The following APBB2 variants were observed in gnomAD, a reference collection of about 807,000 sequenced individuals.
APBB2 encodes the protein Fe65-like 1.
A neutral mutation model predicts 82.5 loss-of-function variants in APBB2; 38 were observed. That is an observed-to-expected ratio of 0.46 (90% CI 0.36 to 0.60). APBB2 has a LOEUF of 0.60. Among genes scored for constraint, APBB2 ranks in the 20% least tolerant of loss-of-function variants. The pLI is 0.00. For synonymous variants in APBB2, 341 were observed against 368.2 expected (o/e 0.93, Z 0.85); for missense variants, 772 against 972.3 (o/e 0.79, Z 2.74).
chr4:41,007,757 C>A (rs778210575), intron 6 of APBB2, among the ~76,000 whole-genome samples: 21 of 152,186 alleles, frequency 1.4e-4, no homozygotes, highest in Non-Finnish European at 3.1e-4. Flanking sequence ...ATCCATCCAA[C>A]CAGCAAATGA....
chr4:40,854,810 G>GA lies in APBB2; in HGVS notation c.1530-24234dup, dbSNP rs1200298979. Among the ~76,000 whole-genome samples, 269 of 134,096 alleles carry GA rather than the reference G, an allele frequency of 2.0e-3. 2 individuals are homozygous for GA. Among genetic ancestry groups the GA allele is most frequent in the African/African-American group, 7.8e-3 (256 of 32,644 alleles). The allele number at this position is 134,096 out of a possible 152,430, so 88.0% of individuals were successfully genotyped here. ...ATCTCCAAAAAAAAAAAAAAAAAAA[G>GA]AAGAAAGAAAAAGAAATTCATTTCC... On this transcript the variant is annotated intron_variant, in intron 12 of 17. Coordinates refer to ENST00000508593, the MANE Select transcript of APBB2 (RefSeq NM_004307.2).
chr4:41,132,249 C>T (rs1756236424), intron 2 of APBB2, among the ~76,000 whole-genome samples: 1 of 152,040 alleles, frequency 6.6e-6, no homozygotes, highest in African/African-American at 2.4e-5. Context: ...GAAAAATGAA[C>T]ACAACAGTTT....
At chr4:41,103,509 A>T (rs1385536886) in intron 2 of APBB2, among the ~76,000 whole-genome samples, 3 of 152,154 alleles carry the variant, frequency 2.0e-5, no homozygotes. Context: ...TCAACAATGG[A>T]TAGTTTTTTA....
chr4:40,865,218 G>T (rs964847704), intron 12 of APBB2, among the ~76,000 whole-genome samples: 4 of 152,118 alleles, frequency 2.6e-5, no homozygotes, highest in African/African-American at 9.7e-5. Flanking sequence ...GCTCTCCCTG[G>T]AAAGCAGAAT....
intron 12 of APBB2, among the ~76,000 whole-genome samples, chr4:40,849,353 CAAT>C (rs1406376469): frequency 3.9e-5 from 6 of 152,304 alleles, no homozygotes; most frequent in Admixed American, 1.3e-4. Flanking sequence ...GAAACAACAA[CAAT>C]GTTGCCAGAG....
chr4:41,110,670 G>C (rs1055043691), intron 2 of APBB2, among the ~76,000 whole-genome samples: 2 of 151,218 alleles, frequency 1.3e-5, no homozygotes, highest in Non-Finnish European at 2.9e-5. Context: ...TTTTAGGCAA[G>C]ACTGACAGAA....
At chr4:41,025,944 CAA>C (rs71198626) in intron 5 of APBB2, among the ~76,000 whole-genome samples, 825 of 68,166 alleles carry the variant, frequency 0.012, 2 homozygotes, top group African/African-American at 0.043. Flanking sequence ...TCCATCTCCA[CAA>C]AAAAAAAAAA....
Position 41,133,146 on chromosome 4 carries a change from G to C in APBB2, c.-261+9841C>G, listed in dbSNP as rs28669746. The stretch of plus-strand genomic sequence containing the variant: ...TTTCATTTTTTATATATATGTACAC[G>C]TAAGTGTGTATATATATCTTATAAA... On this transcript the variant is annotated intron_variant, in intron 2 of 17. Transcript: ENST00000508593. Among the ~76,000 whole-genome samples, 449 of 151,988 alleles carry C rather than the reference G, an allele frequency of 3.0e-3. 4 individuals carry two copies. The highest frequency in any genetic ancestry group is 0.01 in the African/African-American group (434 of 41,458).
At chr4:41,184,074 C>T (rs1282651326) in intron 1 of APBB2, among the ~76,000 whole-genome samples, 1 of 151,904 alleles carries the variant, frequency 6.6e-6, no homozygotes, top group Non-Finnish European at 1.5e-5. Context: ...AACCTAGATC[C>T]CTCACATGTG....
At chr4:40,959,247 G>A in intron 6 of APBB2, among the ~76,000 whole-genome samples, 1 of 152,160 alleles carries the variant, frequency 6.6e-6, no homozygotes, top group East Asian at 1.9e-4. Context: ...TGAGCAGCAG[G>A]AGAAGAGAAG....
intron 1 of APBB2, among the ~76,000 whole-genome samples, chr4:41,192,637 T>A (rs1774787375): frequency 6.6e-6 from 1 of 152,016 alleles, no homozygotes; most frequent in Admixed American, 6.6e-5. Flanking sequence ...TGGAATGGAA[T>A]GGGGGAGGTG....
At chr4:41,053,853 T>G (rs1408013350) in intron 4 of APBB2, among the ~76,000 whole-genome samples, 1 of 152,224 alleles carries the variant, frequency 6.6e-6, no homozygotes, top group Non-Finnish European at 1.5e-5. Context: ...ACTTTTAATA[T>G]AAGTTAGAGC....
chr4:40,981,775 G>A (rs1392440352), intron 6 of APBB2, among the ~76,000 whole-genome samples: 2 of 152,086 alleles, frequency 1.3e-5, no homozygotes, highest in African/African-American at 4.8e-5. Context: ...TCTCCTATAC[G>A]CAGAACAAGC....
intron 1 of APBB2, among the ~76,000 whole-genome samples, chr4:41,198,759 C>G (rs1165655937): frequency 6.6e-6 from 1 of 152,212 alleles, no homozygotes; most frequent in African/African-American, 2.4e-5. Flanking sequence ...TTGGCAGAGC[C>G]ATGATCCCTC....
At chr4:41,202,855 G>C (rs753916668) in intron 1 of APBB2, among the ~76,000 whole-genome samples, 9 of 152,176 alleles carry the variant, frequency 5.9e-5, no homozygotes, top group Non-Finnish European at 1.2e-4. Flanking sequence ...TTAATAACTG[G>C]GGCTGCAGAA....
At chr4:41,019,224 G>A (rs1166742031) in intron 5 of APBB2, among the ~76,000 whole-genome samples, 2 of 152,166 alleles carry the variant, frequency 1.3e-5, no homozygotes, top group Non-Finnish European at 2.9e-5. Flanking sequence ...CTTAGTTATG[G>A]TTTATTGTTT....
At chr4:40,962,166 G>C (rs1424437139) in intron 6 of APBB2, among the ~76,000 whole-genome samples, 2 of 152,142 alleles carry the variant, frequency 1.3e-5, no homozygotes, top group Non-Finnish European at 2.9e-5. Context: ...AAAGATGCAG[G>C]GGCTATTGAC....
At chr4:41,177,888 T>A (rs1455758460) in intron 1 of APBB2, among the ~76,000 whole-genome samples, 1 of 152,192 alleles carries the variant, frequency 6.6e-6, no homozygotes, top group Non-Finnish European at 1.5e-5. Flanking sequence ...AAATCTGAAA[T>A]CTGAAATGCT....
intron 1 of APBB2, among the ~76,000 whole-genome samples, chr4:41,186,981 A>G (rs1013021907): frequency 6.6e-6 from 1 of 152,236 alleles, no homozygotes; most frequent in African/African-American, 2.4e-5. Context: ...TAATTTTATC[A>G]CTAAAATTCC....
Sources: gnomAD v4.1 joint callset for allele counts (sites outside exome capture counted in the v4.1 genomes callset) on GRCh38, gnomAD v4.1.1 for gene constraint, MANE v1.5 for transcripts, NCBI Gene and HGNC (gene_info 2026-07-23, HGNC 2026-07-21) for gene names.